SYNRG: variants seen among roughly 807,000 people sequenced by gnomAD.
The protein encoded by SYNRG is AP1 gamma subunit binding protein 1.
Under a neutral mutation model 130.9 loss-of-function variants are expected in SYNRG, and 37 were observed. The observed-to-expected ratio is 0.28, with a 90% CI of 0.22 to 0.37. The LOEUF is 0.37. Ranked by LOEUF, SYNRG falls within the 10% of genes least tolerant of loss-of-function variation. The probability of loss-of-function intolerance (pLI) is 1.00; values close to 1 mark genes in which losing one functional copy is unlikely to be tolerated. For missense variants in SYNRG, 1,338 were observed against 1,588.9 expected (o/e 0.84, Z 2.68); for synonymous variants, 539 against 568.1 (o/e 0.95, Z 0.73).
chr17:37,558,298 C>T (rs1226011237), intron 13 of SYNRG, among the ~76,000 whole-genome samples: 1 of 152,192 alleles, frequency 6.6e-6, no homozygotes, highest in Non-Finnish European at 1.5e-5. Flanking sequence ...CTCTCCCCTA[C>T]CCCTAGCAGA....
chr17:37,597,643 G>A (rs2062894952), intron 2 of SYNRG, among the ~76,000 whole-genome samples: 1 of 152,242 alleles, frequency 6.6e-6, no homozygotes, highest in African/African-American at 2.4e-5. Flanking sequence ...TGCAATGGCA[G>A]AAAACTATCA....
At chr17:37,566,021 GC>G (rs1480933808) in intron 11 of SYNRG, among the ~76,000 whole-genome samples, 14 of 148,172 alleles carry the variant, frequency 9.4e-5, no homozygotes, top group Non-Finnish European at 1.9e-4. Context: ...GGGGGGGTCA[GC>G]CCCCCGCCCG....
chr17:37,564,548 G>C (rs551053947), intron 11 of SYNRG, among the ~76,000 whole-genome samples: 18 of 152,136 alleles, frequency 1.2e-4, no homozygotes, highest in African/African-American at 4.1e-4. Context: ...AACTGGTGCC[G>C]TCCTTAACTA....
rs144789596 is a variant in SYNRG, at chr17:37,582,618, T to C, written c.589+2030A>G. Among the ~76,000 whole-genome samples, 315 of 152,310 alleles carry C rather than the reference T, an allele frequency of 2.1e-3. 2 individuals are homozygous for C. Among genetic ancestry groups the C allele is most frequent in the African/African-American group, 7.4e-3 (306 of 41,548 alleles). On this transcript the variant is annotated intron_variant, in intron 6 of 21. Coordinates refer to ENST00000612223, the MANE Select transcript of SYNRG (RefSeq NM_007247.6). Reference sequence around the variant, plus strand: ...GCTCACACCTGTAATCCTAGCACTTTGGAAGGCTAAAGCAGGTGGACTGCT... The same window carrying C: ...GCTCACACCTGTAATCCTAGCACTTCGGAAGGCTAAAGCAGGTGGACTGCT...
chr17:37,584,347 T>G, intron 6 of SYNRG: 1 of 249,480 alleles, frequency 4.0e-6, no homozygotes. Context: ...CTTTATTACA[T>G]TTGCTCTGAG....
rs3110623 is a variant in SYNRG at position 37,542,123 on chromosome 17, C to A, written c.3051G>T (p.Pro1017=). ...PASSGASQET[P]NECSDDFGEF... ...CTCCAAAGTCATCCGAACATTCGTT[C>A]GGGGTTTCTTGAGAGGCACCACTGG... Residue 1017 remains proline (P), a synonymous_variant, in exon 15 of 22, where the codon CCG becomes CCT. Transcript: ENST00000612223. 6.2e-7 allele frequency: 1 copy of A among 1,613,960 alleles called. No homozygotes were observed. Among genetic ancestry groups the A allele is most frequent in the Non-Finnish European group, 8.5e-7 (1 of 1,179,984 alleles).
intron 13 of SYNRG, among the ~76,000 whole-genome samples, chr17:37,555,198 T>C (rs1436380124): frequency 1.3e-5 from 2 of 152,032 alleles, no homozygotes; most frequent in Non-Finnish European, 2.9e-5. Context: ...GTGATCTCAG[T>C]TCACTGCAAC....
Position 37,570,724 on chromosome 17 carries a change from T to C in SYNRG, c.1260A>G (p.Pro420=). 1 of 1,614,224 alleles carries C rather than the reference T, an allele frequency of 6.2e-7. No homozygotes were observed. The highest frequency in any genetic ancestry group is 8.5e-7 in the Non-Finnish European group (1 of 1,180,034). Residue 420 remains proline (P), a synonymous_variant, in exon 10 of 22, where the codon CCA becomes CCG. Coordinates refer to ENST00000612223, the MANE Select transcript of SYNRG (RefSeq NM_007247.6). ...AGSMPLSLGQ[P]VMGINLVGPV... is the part of the protein sequence containing the mutation. ...GTCCAACAAGGTTAATGCCCATGAC[T>C]GGCTGTCCAAGGCTGAGGGGCATGG...
At chr17:37,589,687 T>C (rs1378244446) in intron 3 of SYNRG, among the ~76,000 whole-genome samples, 2 of 150,472 alleles carry the variant, frequency 1.3e-5, no homozygotes, top group Admixed American at 6.6e-5. Context: ...AGGCAGAGCA[T>C]GCAGTGAGCC....
At chr17:37,526,259 G>A (rs2055905264) in intron 19 of SYNRG, among the ~76,000 whole-genome samples, 2 of 152,166 alleles carry the variant, frequency 1.3e-5, no homozygotes, top group African/African-American at 4.8e-5. Context: ...GTCAACCTGG[G>A]TCCCTGGGTA....
At position 37,562,652 on chromosome 17, in the gene SYNRG, T is replaced by C. The variant is rs200959083; in HGVS notation, c.1482-1063A>G. 3.0e-4 allele frequency among the ~76,000 whole-genome samples: 46 copies of C among 152,348 alleles called. No homozygotes were observed. The East Asian group carries it at 7.3e-3, about 24-fold the overall frequency. On this transcript the variant is annotated intron_variant, in intron 11 of 21. Coordinates refer to ENST00000612223, the MANE Select transcript of SYNRG (RefSeq NM_007247.6). ...CATGCTAATGGGGTACACAGTCCTT[T>C]AGGGCTTAATGCCATCAAATATTAT...
chr17:37,565,934 G>A (rs1237968061), intron 11 of SYNRG, among the ~76,000 whole-genome samples: 23 of 144,088 alleles, frequency 1.6e-4, no homozygotes, highest in Admixed American at 1.4e-3. Context: ...CCCCCTGCCC[G>A]GCCAGCCGCC....
intron 11 of SYNRG, 163 bp downstream of exon 11, chr17:37,568,628 G>A (rs765685117): frequency 2.3e-5 from 16 of 687,982 alleles, no homozygotes; most frequent in Non-Finnish European, 2.9e-5. Context: ...ACAAAGGGGA[G>A]AGAAGTTTGA....
chr17:37,602,166 T>C (rs982534434), intron 1 of SYNRG, among the ~76,000 whole-genome samples: 1 of 151,876 alleles, frequency 6.6e-6, no homozygotes, highest in Admixed American at 6.5e-5. Context: ...AGAAACCCCA[T>C]CTCTACTAAA....
chr17:37,520,254 G>C (rs750894529), intron 20 of SYNRG, 40 bp from the exon 21 acceptor site: 4 of 1,613,418 alleles, frequency 2.5e-6, no homozygotes, highest in Non-Finnish European at 2.5e-6. Context: ...AACATTCCCA[G>C]AACAGGGCCT....
Position 37,542,124 on chromosome 17 carries a change from G to C in SYNRG, c.3050C>G (p.Pro1017Arg). The C allele has an allele frequency of 1.9e-6, 3 of 1,614,168 alleles. No homozygotes were observed. The highest frequency in any genetic ancestry group is 1.3e-5 in the African/African-American group (1 of 75,040). Residue 1017 changes from proline to arginine, a missense_variant, in exon 15 of 22, where the codon CCG becomes CGG. By Grantham distance (103) the Pro-to-Arg change is moderately radical. Transcript: ENST00000612223. ...PASSGASQET[P>R]NECSDDFGEF... Reference sequence around the variant, plus strand: ...TCCAAAGTCATCCGAACATTCGTTCGGGGTTTCTTGAGAGGCACCACTGGA... The same window carrying C: ...TCCAAAGTCATCCGAACATTCGTTCCGGGTTTCTTGAGAGGCACCACTGGA...
In SYNRG at chr17:37,587,963, A is replaced by G. The variant is rs189715880; in HGVS notation, c.241-1414T>C. On this transcript the variant is annotated intron_variant, in intron 3 of 21. Coordinates refer to ENST00000612223, the MANE Select transcript of SYNRG (RefSeq NM_007247.6). ...TCTCATTAATATCTCCCACCTGTTAATTTATTTTTTTTCCGTGAGCTTATT... is the reference window on the plus strand; with the variant it reads ...TCTCATTAATATCTCCCACCTGTTAGTTTATTTTTTTTCCGTGAGCTTATT... Among the ~76,000 whole-genome samples, 12 of 152,094 alleles carry G rather than the reference A, an allele frequency of 7.9e-5. No individual in the cohort carries two copies. In the East Asian group the frequency reaches 1.2e-3, roughly 15 times the overall value.
rs1156428040 is a variant in SYNRG at position 37,539,235 on chromosome 17, C to T, written c.3377G>A (p.Arg1126Lys). The T allele has an allele frequency of 6.2e-7, 1 of 1,614,128 alleles. No individual in the cohort carries two copies. Among genetic ancestry groups the T allele is most frequent in the South Asian group, 1.1e-5 (1 of 91,076 alleles). ...GCATCTCTGCCATTCATATGCATAT[C>T]TCTCATTTTCCTGTGAATTTGTTAA... ...DLTGEVEENE[R>K]YAYEWQRCLG... is the part of the protein sequence containing the mutation. Residue 1126 changes from arginine to lysine, a missense_variant, in exon 17 of 22, where the codon AGA (arginine) becomes AAA (lysine). Arg to Lys is a conservative substitution (Grantham distance 26). Transcript: ENST00000612223.
At chr17:37,529,662 C>T (rs1210135168) in intron 19 of SYNRG, 3 of 883,370 alleles carry the variant, frequency 3.4e-6, no homozygotes, top group South Asian at 1.8e-5. Context: ...CTGGCTTGCA[C>T]TTCACCTGGT....
Sources: gnomAD v4.1 joint callset for allele counts (sites outside exome capture counted in the v4.1 genomes callset) on GRCh38, gnomAD v4.1.1 for gene constraint, MANE v1.5 for transcripts, NCBI Gene and HGNC (gene_info 2026-07-23, HGNC 2026-07-21) for gene names.